Variants in PTPRB observed in about 807,000 individuals in gnomAD.
PTPRB encodes protein tyrosine phosphatase receptor type B.
Under a neutral mutation model 238.1 loss-of-function variants are expected in PTPRB, and 97 were observed. The ratio of observed to expected loss-of-function variants is 0.41; its 90% confidence interval spans 0.35 to 0.48. The LOEUF (loss-of-function observed/expected upper bound fraction) is 0.48. PTPRB is among the 20% of genes least tolerant of loss of function. The pLI is 0.30. For synonymous variants in PTPRB, 970 were observed against 995.4 expected (o/e 0.97, Z 0.48); for missense variants, 2,292 against 2,681.9 (o/e 0.85, Z 3.21).
At chr12:70,580,091 A>T (rs1443671511) in intron 10 of PTPRB, among the ~76,000 whole-genome samples, 1 of 151,614 alleles carries the variant, frequency 6.6e-6, no homozygotes, top group Admixed American at 6.6e-5. Flanking sequence ...ATATATATTA[A>T]TTTTTTATGT....
intron 10 of PTPRB, among the ~76,000 whole-genome samples, chr12:70,578,328 T>C (rs2136410303): frequency 6.6e-6 from 1 of 152,290 alleles, no homozygotes; most frequent in Non-Finnish European, 1.5e-5. Context: ...ATGATAAGGA[T>C]TATCAAGGCC....
intron 28 of PTPRB, among the ~76,000 whole-genome samples, chr12:70,536,438 A>ATG (rs1246247571): frequency 2.0e-5 from 3 of 152,136 alleles, no homozygotes; most frequent in Admixed American, 1.3e-4. Flanking sequence ...CCTCAATTAT[A>ATG]TGTGTGTGTT....
chr12:70,539,726 A>G lies in PTPRB; in HGVS notation c.5697-20T>C. The G allele has an allele frequency of 1.2e-6, 2 of 1,602,216 alleles. No homozygotes were observed. The highest frequency in any genetic ancestry group is 2.2e-5 in the South Asian group (2 of 90,664). The stretch of plus-strand genomic sequence containing the variant: ...ATTGGACTGTAATTAAAAATGAAAC[A>G]AACAGAAAAGAGTTACTGCAGAAAA... On this transcript the variant is annotated intron_variant, in intron 25 of 33. Transcript: ENST00000334414.
chr12:70,550,220 C>T (rs1335581807), intron 21 of PTPRB, among the ~76,000 whole-genome samples: 4 of 152,126 alleles, frequency 2.6e-5, no homozygotes, highest in African/African-American at 7.2e-5. Flanking sequence ...TTGAAGTGTA[C>T]AGAGAATTCG....
At chr12:70,573,510 T>TTC (rs556738224) in intron 11 of PTPRB, among the ~76,000 whole-genome samples, 4,166 of 138,580 alleles carry the variant, frequency 0.03, 85 homozygotes, top group Non-Finnish European at 0.04. Flanking sequence ...CTTTTCTTTT[T>TTC]TTTTTTTTTT....
At chr12:70,633,370 T>C (rs1388492932) in intron 2 of PTPRB, among the ~76,000 whole-genome samples, 1 of 151,920 alleles carries the variant, frequency 6.6e-6, no homozygotes, top group East Asian at 1.9e-4. Context: ...AGCCCAGGAG[T>C]TGGAGGCTAC....
At chr12:70,583,377 G>T (rs574495827) in intron 9 of PTPRB, among the ~76,000 whole-genome samples, 5 of 152,176 alleles carry the variant, frequency 3.3e-5, no homozygotes, top group Admixed American at 2.6e-4. Context: ...ATTCTCAAAG[G>T]CCAAAAAGTA....
At chr12:70,610,034 A>G (rs570408718) in intron 3 of PTPRB, among the ~76,000 whole-genome samples, 117 of 152,100 alleles carry the variant, frequency 7.7e-4, no homozygotes, top group African/African-American at 2.7e-3. Context: ...CGGCGGGGAC[A>G]GGCAGCGCGC....
intron 31 of PTPRB, among the ~76,000 whole-genome samples, chr12:70,532,510 CAT>C (rs1873436482): frequency 1.3e-5 from 2 of 152,150 alleles, no homozygotes; most frequent in African/African-American, 2.4e-5. Flanking sequence ...GAAATGGTAA[CAT>C]ATGTGCTTTA....
At position 70,609,221 on chromosome 12, in the gene PTPRB, T is replaced by C; in HGVS notation, c.827A>G (p.Tyr276Cys). ...CGCGGCCCCCAGGGTGTCACTGCTATAGATGAGGCTAAAGTTACAGGGTGA... is the reference window on the plus strand; with the variant it reads ...CGCGGCCCCCAGGGTGTCACTGCTACAGATGAGGCTAAAGTTACAGGGTGA... ...LGSPCNFSLI[Y>C]SSDTLGAALC... The change falls in exon 4 of 34, where the codon TAT (tyrosine) becomes TGT (cysteine). Residue 276 changes from tyrosine to cysteine, a missense_variant. Physicochemically the swap from Tyr to Cys is radical, Grantham distance 194 (BLOSUM62 -2). This residue lies in a region of PTPRB where 1,205 missense variants were observed against 1,287.8 expected (regional missense o/e 0.94). Coordinates refer to ENST00000334414, the MANE Select transcript of PTPRB (RefSeq NM_001109754.4). The C allele has an allele frequency of 6.2e-7, 1 of 1,614,054 alleles. No individual in the cohort carries two copies.
chr12:70,532,401 T>C (rs1365398210), intron 31 of PTPRB, among the ~76,000 whole-genome samples: 1 of 146,206 alleles, frequency 6.8e-6, no homozygotes, highest in Non-Finnish European at 1.5e-5. Flanking sequence ...CAGGGATAAG[T>C]ACTGCTCTGC....
chr12:70,576,820 A>G (rs1880831576), intron 10 of PTPRB, among the ~76,000 whole-genome samples, 175 bp from the exon 11 acceptor site: 7 of 152,148 alleles, frequency 4.6e-5, no homozygotes. Context: ...CTCAGCTTCC[A>G]GAAGCTGAGT....
chr12:70,571,596 A>C (rs1880055892), intron 12 of PTPRB, among the ~76,000 whole-genome samples: 1 of 152,226 alleles, frequency 6.6e-6, no homozygotes, highest in African/African-American at 2.4e-5. Context: ...GATAGGGAAG[A>C]AAAATGGGAC....
chr12:70,520,486 A>AATG lies in PTPRB; in HGVS notation c.*1002_*1003insCAT. On this transcript the variant is annotated 3_prime_UTR_variant, in exon 34 of 34. Coordinates refer to ENST00000334414, the MANE Select transcript of PTPRB (RefSeq NM_001109754.4). ...TCATTTCTATGAAAATGTTGGCATTAAGCCTTTTAATGAGGGGCACAATCT... is the reference window on the plus strand; with the variant it reads ...TCATTTCTATGAAAATGTTGGCATTAATGAGCCTTTTAATGAGGGGCACAATCT... 4.8e-6 allele frequency: 1 copy of AATG among 209,982 alleles called. No individual in the cohort carries two copies. Among genetic ancestry groups the AATG allele is most frequent in the Non-Finnish European group, 9.8e-6 (1 of 102,328 alleles). 13.0% of individuals were successfully genotyped at this position (209,982 alleles called of 1,614,324 possible). A position where few individuals can be genotyped will look rare whatever the true frequency, so the allele number is the denominator to read the frequency against.
rs908842887 is a variant in PTPRB at position 70,516,625 on chromosome 12, C to T, written c.*4864G>A. 3.9e-5 allele frequency: 6 copies of T among 152,232 alleles called. No individual in the cohort carries two copies. Among genetic ancestry groups the T allele is most frequent in the Non-Finnish European group, 7.3e-5 (5 of 68,048 alleles). 9.4% of individuals were successfully genotyped at this position (152,232 alleles called of 1,614,324 possible). A position where few individuals can be genotyped will look rare whatever the true frequency, so the allele number is the denominator to read the frequency against. On this transcript the variant is annotated 3_prime_UTR_variant, in exon 34 of 34. Transcript: ENST00000334414. The stretch of plus-strand genomic sequence containing the variant: ...CAGCTATTAGAACATCTCAGCATAA[C>T]TGAACGTTTGTTCTTGGGGTGAGGA...
chr12:70,523,444 G>T (rs963833190), intron 33 of PTPRB, among the ~76,000 whole-genome samples: 2 of 152,056 alleles, frequency 1.3e-5, no homozygotes, highest in African/African-American at 4.8e-5. Flanking sequence ...AGAAATACAG[G>T]GTCACAAGAT....
intron 7 of PTPRB, among the ~76,000 whole-genome samples, chr12:70,591,099 TA>T (rs1264445828): frequency 7.0e-6 from 1 of 143,122 alleles, no homozygotes; most frequent in African/African-American, 2.5e-5. Context: ...CCCAGCTAAT[TA>T]ATTTTTTTTT....
intron 18 of PTPRB, among the ~76,000 whole-genome samples, chr12:70,558,504 G>T (rs1402470297): frequency 6.6e-6 from 1 of 151,848 alleles, no homozygotes; most frequent in Non-Finnish European, 1.5e-5. Context: ...CAAATATTTG[G>T]ATTAAAGTCC....
intron 2 of PTPRB, among the ~76,000 whole-genome samples, chr12:70,625,044 T>A (rs1885111750): frequency 6.6e-6 from 1 of 152,156 alleles, no homozygotes; most frequent in African/African-American, 2.4e-5. Context: ...TATCTTTAAT[T>A]AACCTTCTAA....
Sources: gnomAD v4.1 joint callset for allele counts (sites outside exome capture counted in the v4.1 genomes callset) on GRCh38, gnomAD v4.1.1 for gene constraint, gnomAD v4.1.1 regional missense constraint, MANE v1.5 for transcripts, NCBI Gene and HGNC (gene_info 2026-07-23, HGNC 2026-07-21) for gene names.